C2: variants seen among roughly 807,000 people sequenced by gnomAD.
C2 encodes the protein complement C2.
C2 carries 64 observed loss-of-function variants against 85.2 expected under a neutral mutation model. The ratio of observed to expected loss-of-function variants is 0.75; its 90% CI spans 0.61 to 0.92. The LOEUF is 0.92. C2 is among the 40% of genes least tolerant of loss of function. The pLI, the probability that C2 is intolerant of heterozygous loss-of-function variation, is 0.00. For synonymous variants in C2, 311 were observed against 370.8 expected (o/e 0.84, Z 1.85); for missense variants, 820 against 971.6 (o/e 0.84, Z 2.07).
At chr6:31,924,185 C>T (rs1175008361), upstream of C2, among the ~76,000 whole-genome samples, 4 of 152,234 alleles carry the variant, frequency 2.6e-5, no homozygotes, top group Non-Finnish European at 5.9e-5. Flanking sequence ...AGAAGTTTAA[C>T]GTGTATCCTA....
chr6:31,899,091 T>G (rs1766960401), upstream of C2, among the ~76,000 whole-genome samples: 1 of 151,942 alleles, frequency 6.6e-6, no homozygotes, highest in Non-Finnish European at 1.5e-5. Flanking sequence ...TTTTTTTTTG[T>G]TTTTTATTTT....
intron 1 of C2, among the ~76,000 whole-genome samples, chr6:31,905,179 A>C (rs1562546065): frequency 6.6e-6 from 1 of 152,014 alleles, no homozygotes; most frequent in Non-Finnish European, 1.5e-5. Context: ...CATTCCTGTA[A>C]TCCCAGCACT....
upstream of C2, chr6:31,927,602 C>T: frequency 6.3e-7 from 1 of 1,576,648 alleles, no homozygotes; most frequent in Non-Finnish European, 8.6e-7. The surrounding 1 kb of genome is among the most constrained non-coding windows in gnomAD (Gnocchi z 4.7). Flanking sequence ...TTATTATTTC[C>T]CTAACAGAAG....
At chr6:31,931,030 T>C (rs1251644662) in intron 3 of C2, among the ~76,000 whole-genome samples, 1 of 152,234 alleles carries the variant, frequency 6.6e-6, no homozygotes, top group Non-Finnish European at 1.5e-5. Context: ...TGTGCTTACA[T>C]TTCCTGTAAA....
upstream of C2, chr6:31,900,499 C>T (rs1767135445): frequency 1.9e-6 from 3 of 1,610,536 alleles, no homozygotes; most frequent in African/African-American, 1.3e-5. This position sits in a 1 kb window ranked among gnomAD's most constrained non-coding sequence, Gnocchi z 9.7. Flanking sequence ...CATCTTCCGA[C>T]AGGCTATAGC....
chr6:31,908,965 C>T (rs139416574), intron 1 of C2, among the ~76,000 whole-genome samples: 5 of 152,066 alleles, frequency 3.3e-5, no homozygotes, highest in East Asian at 1.9e-4. Flanking sequence ...GGATCTGGAA[C>T]GAAGCCCAAA....
chr6:31,900,824 T>G, upstream of C2: 2 of 1,608,148 alleles, frequency 1.2e-6, no homozygotes, highest in Non-Finnish European at 1.7e-6. The surrounding 1 kb of genome is among the most constrained non-coding windows in gnomAD (Gnocchi z 9.7). Flanking sequence ...CGGGGCTGGC[T>G]TTGGGGTCCT....
Position 31,935,139 on chromosome 6 carries a change from T to C in C2, c.850-784T>C. 1 of 912,998 alleles carries C rather than the reference T, an allele frequency of 1.1e-6. No homozygotes were observed. Among genetic ancestry groups the C allele is most frequent in the Non-Finnish European group, 1.3e-6 (1 of 763,724 alleles). 56.6% of individuals were successfully genotyped at this position (912,998 alleles called of 1,614,324 possible). On this transcript the variant is annotated intron_variant, in intron 6 of 17. Transcript: ENST00000299367. This position sits in a 1 kb window ranked among gnomAD's most constrained non-coding sequence, Gnocchi z 4.3. Reference sequence around the variant, plus strand: ...TTTCACAATACTTCATGTAACATTATAGATGGTTTTCCCTCCCAGCTACAT... The same window carrying C: ...TTTCACAATACTTCATGTAACATTACAGATGGTTTTCCCTCCCAGCTACAT...
intron 3 of C2, among the ~76,000 whole-genome samples, chr6:31,931,973 G>A (rs1272366613): frequency 1.0e-4 from 14 of 137,040 alleles, no homozygotes; most frequent in Non-Finnish European, 1.9e-4. Flanking sequence ...CGGACGGGGC[G>A]GCTGGCCGGG....
At chr6:31,901,530 C>G (rs866818259) in intron 1 of C2, among the ~76,000 whole-genome samples, 36 of 152,040 alleles carry the variant, frequency 2.4e-4, no homozygotes, top group Middle Eastern at 3.4e-3. Flanking sequence ...GCAGCGGCGT[C>G]CACACCCCCC....
At position 31,904,541 on chromosome 6, in the gene C2, T is replaced by A. The variant is rs889849164; in HGVS notation, c.73+3402T>A. ...GTTGGCCAGGCTGGTCTCGAACTCCTGACCTCGGGTGATCCACCTTGCTCA... is the reference window on the plus strand; with the variant it reads ...GTTGGCCAGGCTGGTCTCGAACTCCAGACCTCGGGTGATCCACCTTGCTCA... On this transcript the variant is annotated intron_variant, in intron 1 of 3. Coordinates refer to the C2 transcript ENST00000452202. This position sits in a 1 kb window ranked among gnomAD's most constrained non-coding sequence, Gnocchi z 4.4. Among the ~76,000 whole-genome samples, 1 of 152,008 alleles carries A rather than the reference T, an allele frequency of 6.6e-6. No individual in the cohort carries two copies. The highest frequency in any genetic ancestry group is 1.5e-5 in the Non-Finnish European group (1 of 68,018).
intron 3 of C2, among the ~76,000 whole-genome samples, chr6:31,930,514 C>T (rs182984034): frequency 6.6e-6 from 1 of 152,326 alleles, no homozygotes; most frequent in Non-Finnish European, 1.5e-5. Context: ...CCACACCTGG[C>T]CATAAGCACT....
In C2 at chr6:31,904,107, A is replaced by G. The variant is rs1415462151; in HGVS notation, c.73+2968A>G. Among the ~76,000 whole-genome samples, 1 of 151,864 alleles carries G rather than the reference A, an allele frequency of 6.6e-6. No individual in the cohort carries two copies. Among genetic ancestry groups the G allele is most frequent in the Non-Finnish European group, 1.5e-5 (1 of 67,988 alleles). On this transcript the variant is annotated intron_variant, in intron 1 of 3. Coordinates refer to the C2 transcript ENST00000452202. This position sits in a 1 kb window ranked among gnomAD's most constrained non-coding sequence, Gnocchi z 4.4. ...CAAGTTACTTAATTCTCTGAATCAC[A>G]GTGTCCTTATCTTTGTCTCCCCCGC...
upstream of C2, among the ~76,000 whole-genome samples, chr6:31,926,699 A>G (rs1212869907): frequency 6.6e-6 from 1 of 151,930 alleles, no homozygotes; most frequent in Non-Finnish European, 1.5e-5. Flanking sequence ...CAGTGGCACA[A>G]TCTTGGCTCA....
chr6:31,901,150 G>A, intron 1 of C2: 1 of 1,613,810 alleles, frequency 6.2e-7, no homozygotes, highest in Non-Finnish European at 8.5e-7. Flanking sequence ...GTGAGCAGGC[G>A]GCCAAGATGA....
upstream of C2, chr6:31,900,997 G>A (rs780532250): frequency 2.5e-6 from 4 of 1,614,130 alleles, no homozygotes; most frequent in East Asian, 6.7e-5. The surrounding 1 kb of genome is among the most constrained non-coding windows in gnomAD (Gnocchi z 9.7). Flanking sequence ...CGGCTGTAAG[G>A]TAGTTGACGA....
chr6:31,937,206 CAA>C (rs9279478), intron 7 of C2, 111 bp from the exon 8 acceptor site: 19,826 of 1,011,952 alleles, frequency 0.02, 2 homozygotes, highest in Middle Eastern at 0.036. Flanking sequence ...GAGACTCTCT[CAA>C]AAAAAAAAAA....
At chr6:31,909,872 G>GTT (rs545795093) in intron 1 of C2, among the ~76,000 whole-genome samples, 1 of 149,640 alleles carries the variant, frequency 6.7e-6, no homozygotes, top group African/African-American at 2.5e-5. Flanking sequence ...GTTATTTTCT[G>GTT]TTTTTTTTTG....
At position 31,937,426 on chromosome 6, in the gene C2, G is replaced by GAA; in HGVS notation, c.1098_1099dup (p.Ile367LysfsTer9). On this transcript the variant is annotated frameshift_variant, in exon 8 of 18. Transcript: ENST00000299367. LOFTEE classifies it high-confidence loss of function. ...CGGCATGGAAACGATGGCCTGGCAGGAAATCCGACATGCCATCATCCTTCT... is the reference window on the plus strand; with the variant it reads ...CGGCATGGAAACGATGGCCTGGCAGGAAAAATCCGACATGCCATCATCCTTCT... The GAA allele has an allele frequency of 6.2e-7, 1 of 1,612,830 alleles. No homozygotes were observed. The highest frequency in any genetic ancestry group is 8.5e-7 in the Non-Finnish European group (1 of 1,179,996).
Sources: gnomAD v4.1 joint callset for allele counts (sites outside exome capture counted in the v4.1 genomes callset) on GRCh38, gnomAD v4.1.1 for gene constraint, Gnocchi (gnomAD v3.1) non-coding constraint, MANE v1.5 for transcripts, NCBI Gene and HGNC (gene_info 2026-07-23, HGNC 2026-07-21) for gene names.